The following RBM4 variants were observed in gnomAD, a reference collection of about 807,000 sequenced individuals.
RBM4 encodes the protein RNA binding motif protein 4.
A neutral mutation model predicts 29.5 loss-of-function variants in RBM4; 7 were observed. The observed-to-expected ratio is 0.24, with a 90% CI of 0.14 to 0.45. The LOEUF (loss-of-function observed/expected upper bound fraction) is 0.45, where lower values mean the gene tolerates loss of function less well. Ranked by LOEUF, RBM4 falls within the 20% of genes least tolerant of loss-of-function variation. The probability of loss-of-function intolerance (pLI) is 1.00; values close to 1 mark genes in which losing one functional copy is unlikely to be tolerated. For missense variants in RBM4, 387 were observed against 502.3 expected (o/e 0.77, Z 2.19); for synonymous variants, 220 against 205.4 (o/e 1.07, Z -0.61).
rs761753196 is a variant in RBM4, at chr11:66,639,885, C to T, written c.174C>T (p.Tyr58=). The T allele has an allele frequency of 1.6e-5, 26 of 1,614,024 alleles. No individual in the cohort carries two copies. The highest frequency in any genetic ancestry group is 8.3e-5 in the Admixed American group (5 of 59,990). The change falls in exon 2 of 4, where the codon TAC becomes TAT. Residue 58 remains tyrosine (Y), a synonymous_variant. Coordinates refer to ENST00000310092, the MANE Select transcript of RBM4 (RefSeq NM_002896.4). The part of the protein sequence containing the change: ...AEDAIRNLHH[Y]KLHGVNINVE... ...ATGCCATACGCAACCTGCACCATTA[C>T]AAGCTTCATGGGGTGAACATCAACG...
chr11:66,650,475 G>A (rs1383683924), downstream of RBM4, among the ~76,000 whole-genome samples: 1 of 151,888 alleles, frequency 6.6e-6, no homozygotes, highest in African/African-American at 2.4e-5. Context: ...GGAGGCTGAG[G>A]CAGAAGAATT....
chr11:66,654,495 CA>C (rs1315160076), intron 2 of RBM4, among the ~76,000 whole-genome samples: 4 of 151,144 alleles, frequency 2.6e-5, no homozygotes, highest in South Asian at 2.1e-4. Flanking sequence ...GACTCCATCT[CA>C]AAAAAAAAAT....
chr11:66,666,325 T>C, exon 3 of RBM4: 1 of 1,026,264 alleles, frequency 9.7e-7, no homozygotes, highest in Non-Finnish European at 1.2e-6. Context: ...TCTTGATCTG[T>C]GCCAATCGAC....
exon 3 of RBM4, chr11:66,666,481 T>C (rs776810785): frequency 2.0e-6 from 2 of 984,670 alleles, no homozygotes; most frequent in Non-Finnish European, 2.4e-6. Context: ...TTCAGTCCAT[T>C]TGAGGTTCAC....
At position 66,646,412 on chromosome 11, in the gene RBM4, C is replaced by A. The variant is rs977502760; in HGVS notation, c.*394C>A. The A allele has an allele frequency of 7.1e-5, 76 of 1,071,490 alleles. No homozygotes were observed. Among genetic ancestry groups the A allele is most frequent in the Non-Finnish European group, 8.2e-5 (73 of 885,112 alleles). The allele number at this position is 1,071,490 out of a possible 1,614,324, so 66.4% of individuals were successfully genotyped here. A position where few individuals can be genotyped will look rare whatever the true frequency, so the allele number is the denominator to read the frequency against. ...GTCTCTTTTTGGTCCAAAGGCTAGA[C>A]CTATAGAGTTGGATCACTTTTTTTC... On this transcript the variant is annotated 3_prime_UTR_variant, in exon 4 of 4. Transcript: ENST00000310092.
At chr11:66,654,172 A>G (rs2135082763) in intron 2 of RBM4, among the ~76,000 whole-genome samples, 1 of 152,224 alleles carries the variant, frequency 6.6e-6, no homozygotes, top group African/African-American at 2.4e-5. Context: ...CTACAGGCAT[A>G]TGCCACCAAA....
At chr11:66,653,606 C>T (rs1180538570) in intron 2 of RBM4, among the ~76,000 whole-genome samples, 1 of 152,168 alleles carries the variant, frequency 6.6e-6, no homozygotes, top group East Asian at 1.9e-4. Context: ...AGGTGATCCA[C>T]CTGCCTTGGC....
chr11:66,640,025 T>C lies in RBM4; in HGVS notation c.314T>C (p.Ile105Thr), dbSNP rs1565079474. 1.9e-6 allele frequency: 3 copies of C among 1,614,146 alleles called. No individual in the cohort carries two copies. The highest frequency in any genetic ancestry group is 1.7e-6 in the Non-Finnish European group (2 of 1,180,030). The change falls in exon 2 of 4, where the codon ATC (isoleucine) becomes ACC (threonine). Residue 105 changes from isoleucine (I) to threonine (T), a missense_variant. Ile to Thr is a moderately conservative substitution (Grantham distance 89). Around this residue, in one of 2 missense-constraint regions of RBM4, gnomAD observed 106 missense variants for 213.6 expected, o/e 0.50. Coordinates refer to ENST00000310092, the MANE Select transcript of RBM4 (RefSeq NM_002896.4). ...AAGTTTGAGGAGTATGGTCCGGTCA[T>C]CGAATGTGACATCGTGAAAGATTAT... is the stretch of plus-strand genomic sequence containing the variant. Reference protein sequence around the residue: ...RAKFEEYGPVIECDIVKDYAF... With the variant: ...RAKFEEYGPVTECDIVKDYAF...
chr11:66,639,556 T>G, intron 1 of RBM4, 144 bp from the exon 2 acceptor site: 1 of 1,066,972 alleles, frequency 9.4e-7, no homozygotes, highest in Non-Finnish European at 1.3e-6. Context: ...TCACTCCCAC[T>G]TCCATTTGAT....
chr11:66,656,223 A>G (rs1590872083), intron 2 of RBM4, among the ~76,000 whole-genome samples: 1 of 151,364 alleles, frequency 6.6e-6, no homozygotes, highest in Admixed American at 6.6e-5. Flanking sequence ...TGCAAGCTCT[A>G]CCTCCTGGGT....
chr11:66,644,004 G>T lies in RBM4; in HGVS notation c.967G>T (p.Glu323Ter). Reference protein sequence around the residue: ...RATAPVPTVGEGYGYGHESEL... With the variant: ...RATAPVPTVG ...TACAGCCCCAGTCCCCACTGTTGGA[G>T]AGGGCTACGGTTACGGGCATGAGAG... The change falls in exon 3 of 4, where the codon GAG becomes TAG. Residue 323 changes from glutamate (E) to a stop codon, truncating the protein, a stop_gained. Coordinates refer to ENST00000310092, the MANE Select transcript of RBM4 (RefSeq NM_002896.4). LOFTEE classifies it high-confidence loss of function. 6.2e-7 allele frequency: 1 copy of T among 1,613,620 alleles called. No individual in the cohort carries two copies. The highest frequency in any genetic ancestry group is 8.5e-7 in the Non-Finnish European group (1 of 1,180,032).
At chr11:66,664,646 G>A (rs1263487676) in intron 2 of RBM4, among the ~76,000 whole-genome samples, 1 of 152,030 alleles carries the variant, frequency 6.6e-6, no homozygotes, top group Non-Finnish European at 1.5e-5. Context: ...TTTTAGTAGA[G>A]ATGGGGTTTC....
chr11:66,664,481 A>C (rs1207672068), intron 2 of RBM4, among the ~76,000 whole-genome samples: 1 of 150,282 alleles, frequency 6.7e-6, no homozygotes. Flanking sequence ...TTCTTTTGAG[A>C]TGGAGTTTCG....
chr11:66,659,540 A>G (rs755327884), intron 2 of RBM4, among the ~76,000 whole-genome samples: 4 of 151,702 alleles, frequency 2.6e-5, no homozygotes, highest in Non-Finnish European at 5.9e-5. Flanking sequence ...TGGCCTCCCA[A>G]CTTGCTGGGA....
At chr11:66,649,717 C>G (rs570001460), downstream of RBM4, 304 of 701,254 alleles carry the variant, frequency 4.3e-4, 4 homozygotes, top group South Asian at 4.2e-3. Flanking sequence ...AGTACTTTTT[C>G]TTGCTTTTTG....
At chr11:66,657,838 C>G (rs1938981267) in intron 2 of RBM4, among the ~76,000 whole-genome samples, 1 of 151,918 alleles carries the variant, frequency 6.6e-6, no homozygotes, top group South Asian at 2.1e-4. Flanking sequence ...ATTCTCTCAC[C>G]TCAGCCTCCC....
intron 3 of RBM4, 115 bp downstream of exon 3, chr11:66,644,255 ACTAGGATGGCTCACAGG>A: frequency 7.2e-7 from 1 of 1,393,206 alleles, no homozygotes; most frequent in Non-Finnish European, 9.6e-7. Flanking sequence ...GGGGAAGGTT[ACTAGGATGGCTCACAGG>A]CTAGAGAGAA....
Position 66,644,150 on chromosome 11 carries a change from G to T in RBM4, c.*8+10G>T. On this transcript the variant is annotated intron_variant, in intron 3 of 3. Transcript: ENST00000310092. ...CCTTTTAAAGCTTGAGGTGAGAGGG[G>T]TGGGGTGTTCCCTCTTCTGGTTTTG... 6.2e-7 allele frequency: 1 copy of T among 1,600,666 alleles called. No individual in the cohort carries two copies. Among genetic ancestry groups the T allele is most frequent in the South Asian group, 1.1e-5 (1 of 89,000 alleles).
At chr11:66,640,249 T>G (rs1198333914) in intron 2 of RBM4, 126 bp downstream of exon 2, 4 of 1,278,656 alleles carry the variant, frequency 3.1e-6, no homozygotes, top group Non-Finnish European at 4.4e-6. Context: ...GAAATAAGTG[T>G]GGGTGATGGA....
Sources: allele counts gnomAD v4.1 joint callset (sites outside exome capture counted in the v4.1 genomes callset), GRCh38; gene constraint gnomAD v4.1.1; regional missense constraint gnomAD v4.1.1; transcripts MANE v1.5; gene names NCBI Gene and HGNC (gene_info 2026-07-23, HGNC 2026-07-21).